The following FBXO41 variants were observed in gnomAD, a reference collection of about 807,000 sequenced individuals.
FBXO41 encodes the protein F-box only protein 41.
FBXO41 carries 33 observed loss-of-function variants against 81.6 expected under a neutral mutation model. The ratio of observed to expected loss-of-function variants is 0.40; its 90% CI spans 0.31 to 0.54. FBXO41 has a LOEUF of 0.54. Ranked by LOEUF, FBXO41 falls within the 20% of genes least tolerant of loss-of-function variation. FBXO41 has a pLI of 0.39. For missense variants in FBXO41, 1,107 were observed against 1,236.0 expected (o/e 0.90, Z 1.56); for synonymous variants, 576 against 552.7 (o/e 1.04, Z -0.59).
At chr2:73,278,840 G>A (rs143158089) in intron 1 of FBXO41, among the ~76,000 whole-genome samples, 1 of 152,136 alleles carries the variant, frequency 6.6e-6, no homozygotes, top group South Asian at 2.1e-4. Flanking sequence ...CCTCCTTCAG[G>A]GAACTAAAAT....
Position 73,269,388 on chromosome 2 carries a change from T to C in FBXO41, c.243A>G (p.Arg81=). 1 of 1,474,454 alleles carries C rather than the reference T, an allele frequency of 6.8e-7. No individual in the cohort carries two copies. Among genetic ancestry groups the C allele is most frequent in the African/African-American group, 1.5e-5 (1 of 67,626 alleles). The allele number at this position is 1,474,454 out of a possible 1,614,324, so 91.3% of individuals were successfully genotyped here. ...GGAAGGAAGTGCTCTCGAAGACCTC[T>C]CGCCGGGCGCCGGGCACGGCCAGCA... ...AALLAVPGAR[R]EVFESTSFQG... Residue 81 remains arginine, a synonymous_variant, in exon 2 of 13, where the codon CGA becomes CGG. Transcript: ENST00000520530. The surrounding 1 kb of genome is among the most constrained non-coding windows in gnomAD (Gnocchi z 7.0).
rs747059282 is a variant in FBXO41, at chr2:73,259,035, G to A, written c.2575C>T (p.Arg859Trp). ...DMVTKLQALRRRPGFSKILHI... is the reference protein window; with the variant it reads ...DMVTKLQALRWRPGFSKILHI... Reference sequence around the variant, plus strand: ...AGAATCTTAGAGAAGCCGGGCCTCCGTCGCAGAGCCTGCGGACCGAACCCT... The same window carrying A: ...AGAATCTTAGAGAAGCCGGGCCTCCATCGCAGAGCCTGCGGACCGAACCCT... Residue 859 changes from arginine (R) to tryptophan (W), a missense_variant, in exon 13 of 13, where the codon CGG (arginine) becomes TGG (tryptophan). This residue lies in a region of FBXO41 where 336 missense variants were observed against 446.7 expected (regional missense o/e 0.75). Transcript: ENST00000520530. This position sits in a 1 kb window ranked among gnomAD's most constrained non-coding sequence, Gnocchi z 4.2. The A allele has an allele frequency of 5.6e-6, 9 of 1,601,994 alleles. No homozygotes were observed. Among genetic ancestry groups the A allele is most frequent in the African/African-American group, 2.7e-5 (2 of 74,660 alleles).
In FBXO41 at chr2:73,266,340, T is replaced by C. The variant is rs1688275050; in HGVS notation, c.1131+117A>G. 2.4e-6 allele frequency: 3 copies of C among 1,255,280 alleles called. No homozygotes were observed. Among genetic ancestry groups the C allele is most frequent in the East Asian group, 2.7e-5 (1 of 37,240 alleles). The allele number at this position is 1,255,280 out of a possible 1,614,324, so 77.8% of individuals were successfully genotyped here. ...CTGTTCCTGGCATCTGCTGGTGGGGTAAAAGCCAAAGAAGGGGCGAATGCG... is the reference window on the plus strand; with the variant it reads ...CTGTTCCTGGCATCTGCTGGTGGGGCAAAAGCCAAAGAAGGGGCGAATGCG... On this transcript the variant is annotated intron_variant, in intron 3 of 12. Transcript: ENST00000520530. This position sits in a 1 kb window ranked among gnomAD's most constrained non-coding sequence, Gnocchi z 5.3.
chr2:73,266,268 G>A lies in FBXO41; in HGVS notation c.1131+189C>T, dbSNP rs534573796. Among the ~76,000 whole-genome samples, 300 of 152,308 alleles carry A rather than the reference G, an allele frequency of 2.0e-3. 3 individuals carry two copies. Among genetic ancestry groups the A allele is most frequent in the African/African-American group, 6.9e-3 (288 of 41,568 alleles). On this transcript the variant is annotated intron_variant, in intron 3 of 12. Coordinates refer to ENST00000520530, the MANE Select transcript of FBXO41 (RefSeq NM_001371389.2). The surrounding 1 kb of genome is among the most constrained non-coding windows in gnomAD (Gnocchi z 5.3). ...GGCCACCGAATCACATCTCACTACA[G>A]CCTCGGGGGCTGGCACTGGCACTCC... is the stretch of plus-strand genomic sequence containing the variant.
In FBXO41 at chr2:73,259,026, C is replaced by T. The variant is rs753033564; in HGVS notation, c.2584G>A (p.Gly862Ser). 3 of 1,599,886 alleles carry T rather than the reference C, an allele frequency of 1.9e-6. No homozygotes were observed. Among genetic ancestry groups the T allele is most frequent in the South Asian group, 1.1e-5 (1 of 88,680 alleles). Reference sequence around the variant, plus strand: ...TTGATGTGCAGAATCTTAGAGAAGCCGGGCCTCCGTCGCAGAGCCTGCGGA... The same window carrying T: ...TTGATGTGCAGAATCTTAGAGAAGCTGGGCCTCCGTCGCAGAGCCTGCGGA... ...TKLQALRRRP[G>S]FSKILHIKVE... Residue 862 changes from glycine (G) to serine (S), a missense_variant, in exon 13 of 13, where the codon GGC becomes AGC. Physicochemically the swap from Gly to Ser is moderately conservative, Grantham distance 56 (BLOSUM62 0). Coordinates refer to ENST00000520530, the MANE Select transcript of FBXO41 (RefSeq NM_001371389.2). This position sits in a 1 kb window ranked among gnomAD's most constrained non-coding sequence, Gnocchi z 4.2.
rs928989044 is a variant in FBXO41, at chr2:73,257,726, G to A, written c.*1256C>T. On this transcript the variant is annotated 3_prime_UTR_variant, in exon 13 of 13. Coordinates refer to ENST00000520530, the MANE Select transcript of FBXO41 (RefSeq NM_001371389.2). The surrounding 1 kb of genome is among the most constrained non-coding windows in gnomAD (Gnocchi z 4.6). ...CCTTGGTTCTGAGACCTGATCCTTT[G>A]GGGACTGCAAAGGCCAGTGAAAAGT... 9.2e-5 allele frequency: 14 copies of A among 152,224 alleles called. No individual in the cohort carries two copies. The highest frequency in any genetic ancestry group is 2.4e-4 in the African/African-American group (10 of 41,426). 9.4% of individuals were successfully genotyped at this position (152,224 alleles called of 1,614,324 possible).
At chr2:73,276,225 C>A (rs7594433) in intron 1 of FBXO41, among the ~76,000 whole-genome samples, 39,515 of 150,478 alleles carry the variant, frequency 0.26, 7,019 homozygotes, top group African/African-American at 0.48. Flanking sequence ...CCCTGGCCAA[C>A]AGGGTGAAAC....
intron 1 of FBXO41, among the ~76,000 whole-genome samples, chr2:73,279,138 C>A (rs977245185): frequency 2.0e-5 from 3 of 152,106 alleles, no homozygotes; most frequent in Non-Finnish European, 2.9e-5. Flanking sequence ...GTCAAGAAGG[C>A]CTGGTGACAG....
At chr2:73,283,413 C>T (rs1306320430) in intron 1 of FBXO41, among the ~76,000 whole-genome samples, 1 of 152,240 alleles carries the variant, frequency 6.6e-6, no homozygotes, top group Non-Finnish European at 1.5e-5. Flanking sequence ...TCTCCTGCTC[C>T]TGCAAACAGG....
chr2:73,277,048 A>G (rs182909539), intron 1 of FBXO41, among the ~76,000 whole-genome samples: 3 of 152,294 alleles, frequency 2.0e-5, no homozygotes, highest in Non-Finnish European at 4.4e-5. Flanking sequence ...CTCTCTCACC[A>G]TACACTTTTG....
At position 73,284,203 on chromosome 2, in the gene FBXO41, G is replaced by A. The variant is rs567659307; in HGVS notation, c.-182C>T. 5.7e-3 allele frequency: 862 copies of A among 152,372 alleles called. 4 individuals are homozygous for A. Among genetic ancestry groups the A allele is most frequent in the South Asian group, 9.1e-3 (44 of 4,820 alleles). 9.4% of individuals were successfully genotyped at this position (152,372 alleles called of 1,614,324 possible). A position where few individuals can be genotyped will look rare whatever the true frequency, so the allele number is the denominator to read the frequency against. ...AGGCCAGGCCCAGCGGCCCAGGGCTGGGGACGCAGAAGAGCCCCCGCGTGC... is the reference window on the plus strand; with the variant it reads ...AGGCCAGGCCCAGCGGCCCAGGGCTAGGGACGCAGAAGAGCCCCCGCGTGC... On this transcript the variant is annotated 5_prime_UTR_variant, in exon 1 of 13. Coordinates refer to ENST00000520530, the MANE Select transcript of FBXO41 (RefSeq NM_001371389.2). This position sits in a 1 kb window ranked among gnomAD's most constrained non-coding sequence, Gnocchi z 7.4.
At chr2:73,276,707 T>TACAA (rs1019868418) in intron 1 of FBXO41, among the ~76,000 whole-genome samples, 4 of 152,006 alleles carry the variant, frequency 2.6e-5, no homozygotes, top group Non-Finnish European at 5.9e-5. Context: ...TACTACCAGG[T>TACAA]ACAACTCTTG....
Position 73,260,969 on chromosome 2 carries a change from C to T in FBXO41, c.2172-111G>A, listed in dbSNP as rs1214505156. The T allele has an allele frequency of 1.2e-6, 1 of 839,210 alleles. No homozygotes were observed. The highest frequency in any genetic ancestry group is 1.7e-5 in the African/African-American group (1 of 58,696). The allele number at this position is 839,210 out of a possible 1,614,324, so 52.0% of individuals were successfully genotyped here. A position where few individuals can be genotyped will look rare whatever the true frequency, so the allele number is the denominator to read the frequency against. On this transcript the variant is annotated intron_variant, in intron 9 of 12. Coordinates refer to ENST00000520530, the MANE Select transcript of FBXO41 (RefSeq NM_001371389.2). This position sits in a 1 kb window ranked among gnomAD's most constrained non-coding sequence, Gnocchi z 5.0. ...CTCAGGCAAGCATTCCTCCAACAAC[C>T]CAGCAGGTCAAGTCAGAGAACCAGG...
At chr2:73,280,918 A>G (rs1393930247) in intron 1 of FBXO41, among the ~76,000 whole-genome samples, 1 of 152,240 alleles carries the variant, frequency 6.6e-6, no homozygotes. Flanking sequence ...TCATGTAACC[A>G]AAGCAATTTC....
Position 73,269,290 on chromosome 2 carries a change from G to A in FBXO41, c.341C>T (p.Pro114Leu), listed in dbSNP as rs2103888565. The A allele has an allele frequency of 6.5e-7, 1 of 1,530,780 alleles. No individual in the cohort carries two copies. The highest frequency in any genetic ancestry group is 1.4e-5 in the African/African-American group (1 of 69,914). The allele number at this position is 1,530,780 out of a possible 1,614,324, so 94.8% of individuals were successfully genotyped here. The change falls in exon 2 of 13, where the codon CCC (proline) becomes CTC (leucine). Residue 114 changes from proline to leucine, a missense_variant. Pro to Leu is a moderately conservative substitution (Grantham distance 98). Coordinates refer to ENST00000520530, the MANE Select transcript of FBXO41 (RefSeq NM_001371389.2). This position sits in a 1 kb window ranked among gnomAD's most constrained non-coding sequence, Gnocchi z 7.0. ...CAGGTCGCCGGGGAAGTGGGCGAGG[G>A]GAGCGTGGTGATGGTGGTGGTGCAG... ...HLLHHHHHHA[P>L]LAHFPGDLVP...
chr2:73,268,498 AC>A (rs1662535384), intron 2 of FBXO41, among the ~76,000 whole-genome samples: 1 of 152,210 alleles, frequency 6.6e-6, no homozygotes, highest in Admixed American at 6.5e-5. Flanking sequence ...AGGACAGAGA[AC>A]GAGAAAGGCA....
rs574424769 is a variant in FBXO41, at chr2:73,265,955, G to A, written c.1143C>T (p.His381=). 104 of 1,575,390 alleles carry A rather than the reference G, an allele frequency of 6.6e-5. No individual in the cohort carries two copies. Among genetic ancestry groups the A allele is most frequent in the East Asian group, 1.4e-4 (6 of 43,016 alleles). The change falls in exon 4 of 13, where the codon CAC becomes CAT. Residue 381 remains histidine, a synonymous_variant. Coordinates refer to ENST00000520530, the MANE Select transcript of FBXO41 (RefSeq NM_001371389.2). ...ATGTGTTAGGCACGGCCGGGCCCAC[G>A]TGGTGTTCTCGCTGTGGGCCCCCAG... ...ARGPGRMREH[H]VGPAVPNTYA...
At chr2:73,275,178 C>T (rs1574390897) in intron 1 of FBXO41, among the ~76,000 whole-genome samples, 3 of 151,862 alleles carry the variant, frequency 2.0e-5, no homozygotes, top group Non-Finnish European at 2.9e-5. Flanking sequence ...CATGAGCCAC[C>T]GCGCCCGGCC....
At chr2:73,281,698 T>C (rs1558594814) in intron 1 of FBXO41, among the ~76,000 whole-genome samples, 1 of 152,232 alleles carries the variant, frequency 6.6e-6, no homozygotes. Context: ...CTCAACATAA[T>C]GCAGCTGTGT....
Sources: gnomAD v4.1 joint callset for allele counts (sites outside exome capture counted in the v4.1 genomes callset) on GRCh38, gnomAD v4.1.1 for gene constraint, gnomAD v4.1.1 regional missense constraint, Gnocchi (gnomAD v3.1) non-coding constraint, MANE v1.5 for transcripts, NCBI Gene and HGNC (gene_info 2026-07-23, HGNC 2026-07-21) for gene names.